Variants in KIAA0825 observed in about 807,000 individuals in gnomAD.
The protein encoded by KIAA0825 is KIAA0825, also known as uncharacterized protein KIAA0825.
Under a neutral mutation model 147.6 loss-of-function variants are expected in KIAA0825, and 119 were observed. That is an observed-to-expected ratio of 0.81 (90% CI 0.69 to 0.94). The LOEUF is 0.94. Among genes scored for constraint, KIAA0825 ranks in the 40% least tolerant of loss-of-function variants. The probability of loss-of-function intolerance (pLI) is 0.00; values close to 1 mark genes in which losing one functional copy is unlikely to be tolerated. For synonymous variants in KIAA0825, 470 were observed against 518.1 expected, an observed-to-expected ratio of 0.91 and a Z score of 1.26; for missense variants, 1,381 against 1,472.7, an observed-to-expected ratio of 0.94 and a Z score of 1.02.
intron 20 of KIAA0825, among the ~76,000 whole-genome samples, chr5:94,343,614 G>A (rs564840109): frequency 6.6e-5 from 10 of 152,242 alleles, no homozygotes; most frequent in South Asian, 2.1e-4. Flanking sequence ...GCGTGAACCC[G>A]GGAAGCAGAG....
At chr5:94,616,838 C>G (rs980882205) in intron 1 of KIAA0825, among the ~76,000 whole-genome samples, 10 of 152,172 alleles carry the variant, frequency 6.6e-5, no homozygotes, top group Non-Finnish European at 1.3e-4. Flanking sequence ...TTGCTATCCA[C>G]TTGATTTCTA....
At chr5:94,421,436 C>T (rs989440715) in intron 14 of KIAA0825, among the ~76,000 whole-genome samples, 1 of 152,182 alleles carries the variant, frequency 6.6e-6, no homozygotes, top group Admixed American at 6.5e-5. Flanking sequence ...TCTGACCTTT[C>T]TCTTTTATGC....
chr5:94,156,795 GA>G (rs1238202156), intron 20 of KIAA0825, among the ~76,000 whole-genome samples: 6 of 152,032 alleles, frequency 3.9e-5, no homozygotes, highest in East Asian at 1.9e-4. Flanking sequence ...AAAAATGGAT[GA>G]AAAAATATTA....
At chr5:94,318,725 T>C (rs1281670025) in intron 20 of KIAA0825, among the ~76,000 whole-genome samples, 1 of 151,854 alleles carries the variant, frequency 6.6e-6, no homozygotes, top group Admixed American at 6.6e-5. Context: ...TTCTGCTACA[T>C]AGTAAAAGGT....
chr5:94,205,538 G>C (rs140175369), intron 20 of KIAA0825, among the ~76,000 whole-genome samples: 1 of 151,758 alleles, frequency 6.6e-6, no homozygotes, highest in African/African-American at 2.4e-5. Flanking sequence ...TGATCCGCCC[G>C]CCTTGGCCTC....
intron 5 of KIAA0825, among the ~76,000 whole-genome samples, chr5:94,489,435 C>T (rs1763443455): frequency 6.6e-6 from 1 of 152,070 alleles, no homozygotes; most frequent in Non-Finnish European, 1.5e-5. Context: ...GAGTTTGAGA[C>T]TCCTGTCTGA....
At chr5:94,254,937 A>G (rs1271214949) in intron 20 of KIAA0825, among the ~76,000 whole-genome samples, 1 of 152,150 alleles carries the variant, frequency 6.6e-6, no homozygotes, top group East Asian at 1.9e-4. Flanking sequence ...AGGATTACAG[A>G]TGTATTTCTC....
At chr5:94,195,626 G>A (rs1771062638) in intron 20 of KIAA0825, among the ~76,000 whole-genome samples, 1 of 150,634 alleles carries the variant, frequency 6.6e-6, no homozygotes, top group Non-Finnish European at 1.5e-5. Flanking sequence ...CACAAATTCT[G>A]ATTAGGTAAG....
At chr5:94,272,668 G>A (rs1017094089) in intron 20 of KIAA0825, among the ~76,000 whole-genome samples, 2 of 152,208 alleles carry the variant, frequency 1.3e-5, no homozygotes, top group Middle Eastern at 3.4e-3. Flanking sequence ...ATGAGATCAA[G>A]CAGGTTAAAA....
At chr5:94,594,970 C>T (rs1006176486) in intron 1 of KIAA0825, among the ~76,000 whole-genome samples, 4 of 152,112 alleles carry the variant, frequency 2.6e-5, no homozygotes, top group Non-Finnish European at 5.9e-5. Context: ...GCTCCCACAG[C>T]CTTGGGCAGC....
intron 16 of KIAA0825, among the ~76,000 whole-genome samples, chr5:94,401,962 T>C (rs1218065821): frequency 6.6e-6 from 1 of 152,198 alleles, no homozygotes; most frequent in African/African-American, 2.4e-5. Flanking sequence ...TAAAAGTCCC[T>C]GTAGCATTTC....
intron 20 of KIAA0825, among the ~76,000 whole-genome samples, chr5:94,287,223 T>C (rs894367768): frequency 1.3e-5 from 2 of 152,190 alleles, no homozygotes; most frequent in Admixed American, 1.3e-4. Context: ...GCTACAAATA[T>C]GTGGATCAGT....
At chr5:94,205,488 TCAC>T (rs1772105905) in intron 20 of KIAA0825, among the ~76,000 whole-genome samples, 1 of 151,694 alleles carries the variant, frequency 6.6e-6, no homozygotes, top group Admixed American at 6.6e-5. Flanking sequence ...AGATGGGGTT[TCAC>T]CATGTTAGCC....
At chr5:94,206,849 T>A (rs1772244465) in intron 20 of KIAA0825, among the ~76,000 whole-genome samples, 1 of 152,152 alleles carries the variant, frequency 6.6e-6, no homozygotes, top group Non-Finnish European at 1.5e-5. Flanking sequence ...TCAAGTGACA[T>A]AAGATGTTTG....
intron 20 of KIAA0825, among the ~76,000 whole-genome samples, chr5:94,235,352 C>CAACA (rs2150093352): frequency 6.6e-6 from 1 of 152,342 alleles, no homozygotes; most frequent in South Asian, 2.1e-4. Context: ...AAACCACCAC[C>CAACA]AACATTCCCT....
intron 17 of KIAA0825, 87 bp downstream of exon 17, chr5:94,396,014 C>T: frequency 8.3e-7 from 1 of 1,200,856 alleles, no homozygotes. Context: ...TACTGCTGCC[C>T]ATCTGACAAT....
chr5:94,161,415 T>G (rs1767570939), intron 20 of KIAA0825, among the ~76,000 whole-genome samples: 1 of 152,184 alleles, frequency 6.6e-6, no homozygotes, highest in African/African-American at 2.4e-5. Flanking sequence ...ACCCCAAACC[T>G]GCTCATCCTT....
chr5:94,465,502 G>T (rs1041298828), intron 10 of KIAA0825, among the ~76,000 whole-genome samples: 1 of 152,000 alleles, frequency 6.6e-6, no homozygotes, highest in Non-Finnish European at 1.5e-5. Context: ...TTCAGATTTC[G>T]CATTATAATG....
At chr5:94,535,360 A>AT (rs1250281035) in intron 3 of KIAA0825, among the ~76,000 whole-genome samples, 2 of 151,942 alleles carry the variant, frequency 1.3e-5, no homozygotes, top group Non-Finnish European at 2.9e-5. Context: ...AAATACAAAA[A>AT]TTAGCTGCGT....
Sources: gnomAD v4.1 joint callset for allele counts (sites outside exome capture counted in the v4.1 genomes callset) on GRCh38, gnomAD v4.1.1 for gene constraint, MANE v1.5 for transcripts, NCBI Gene and HGNC (gene_info 2026-07-23, HGNC 2026-07-21) for gene names.